The following OSBPL9 variants were observed in gnomAD, a reference collection of about 807,000 sequenced individuals.
OSBPL9 encodes the protein oxysterol-binding protein-related protein 9.
OSBPL9 carries 40 observed loss-of-function variants against 106.6 expected under a neutral mutation model. The ratio of observed to expected loss-of-function variants is 0.38; its 90% CI spans 0.29 to 0.49. The LOEUF (loss-of-function observed/expected upper bound fraction) is 0.49. Ranked by LOEUF, OSBPL9 falls within the 20% of genes least tolerant of loss-of-function variation. OSBPL9 has a pLI of 0.97. For synonymous variants in OSBPL9, 269 were observed against 295.4 expected, an observed-to-expected ratio of 0.91 and a Z score of 0.92; for missense variants, 609 against 887.2, an observed-to-expected ratio of 0.69 and a Z score of 3.98.
At chr1:51,521,659 G>A in the OSBPL9 span, among the ~76,000 whole-genome samples, 5 of 152,210 alleles carry the variant, frequency 3.3e-5, no homozygotes, top group East Asian at 3.8e-4. Flanking sequence ...CACAGAGCAC[G>A]AATTCAGCCT....
chr1:51,686,740 A>C (rs575241065), intron 3 of OSBPL9, among the ~76,000 whole-genome samples: 6 of 152,306 alleles, frequency 3.9e-5, no homozygotes, highest in African/African-American at 1.4e-4. Flanking sequence ...AGGCCTAGGG[A>C]TGCTCCCCGT....
At chr1:51,648,107 A>G (rs771137980) in intron 1 of OSBPL9, among the ~76,000 whole-genome samples, 1 of 152,124 alleles carries the variant, frequency 6.6e-6, no homozygotes, top group Admixed American at 6.6e-5. Context: ...ATTTGTGCCA[A>G]TTTGCTTGAA....
intron 4 of OSBPL9, chr1:51,740,335 C>A (rs1488987297): frequency 3.1e-5 from 37 of 1,179,274 alleles, no homozygotes; most frequent in Non-Finnish European, 4.1e-5. Flanking sequence ...ATATTTTAAT[C>A]AAAATTACAT....
intron 12 of OSBPL9, among the ~76,000 whole-genome samples, chr1:51,769,491 G>T (rs78465997): frequency 1.3e-5 from 2 of 152,114 alleles, no homozygotes; most frequent in Non-Finnish European, 2.9e-5. Flanking sequence ...TATTATGAGC[G>T]TCATTGTGTT....
intron 17 of OSBPL9, among the ~76,000 whole-genome samples, chr1:51,783,151 CTATT>C (rs1445057585): frequency 1.3e-5 from 2 of 151,886 alleles, no homozygotes; most frequent in African/African-American, 2.4e-5. Context: ...AGTTGTTTCA[CTATT>C]TATTTGTATT....
chr1:51,593,650 T>G (rs1000640047), intron 1 of OSBPL9, among the ~76,000 whole-genome samples: 1 of 152,200 alleles, frequency 6.6e-6, no homozygotes, highest in Non-Finnish European at 1.5e-5. Flanking sequence ...TGTCCAGGCC[T>G]TTTGCCTGGG....
intron 4 of OSBPL9, among the ~76,000 whole-genome samples, chr1:51,734,407 T>C (rs1401817657): frequency 6.6e-6 from 1 of 152,226 alleles, no homozygotes. Context: ...ATGACAGAGT[T>C]TGCTTGTGTT....
the OSBPL9 span, among the ~76,000 whole-genome samples, chr1:51,536,153 A>T: frequency 6.6e-6 from 1 of 152,182 alleles, no homozygotes; most frequent in Non-Finnish European, 1.5e-5. Flanking sequence ...TTAAATTGAC[A>T]TAGTGCTTAT....
intron 1 of OSBPL9, among the ~76,000 whole-genome samples, chr1:51,596,291 G>C (rs867983310): frequency 2.0e-5 from 3 of 147,996 alleles, no homozygotes; most frequent in Admixed American, 6.7e-5. Flanking sequence ...GCCAGGCACA[G>C]TGGCTCATGC....
intron 4 of OSBPL9, among the ~76,000 whole-genome samples, chr1:51,726,990 C>A (rs1663230436): frequency 6.6e-6 from 1 of 152,158 alleles, no homozygotes; most frequent in African/African-American, 2.4e-5. Flanking sequence ...AAATAGCTAT[C>A]TGTAGTATTA....
At chr1:51,656,229 G>A (rs1015864567) in intron 2 of OSBPL9, among the ~76,000 whole-genome samples, 1 of 152,094 alleles carries the variant, frequency 6.6e-6, no homozygotes, top group African/African-American at 2.4e-5. Flanking sequence ...TAACTGGTAC[G>A]GTTGTAATGA....
chr1:51,675,589 A>T (rs1557674156), intron 3 of OSBPL9, among the ~76,000 whole-genome samples: 1 of 152,078 alleles, frequency 6.6e-6, no homozygotes, highest in Admixed American at 6.6e-5. Context: ...TAAACCTTGG[A>T]TCATACTAGG....
chr1:51,608,063 G>A (rs963736943), intron 2 of OSBPL9, among the ~76,000 whole-genome samples: 1 of 152,190 alleles, frequency 6.6e-6, no homozygotes, highest in Non-Finnish European at 1.5e-5. Flanking sequence ...ATTTACTGAA[G>A]TTGTGCATAT....
the OSBPL9 span, among the ~76,000 whole-genome samples, chr1:51,558,204 C>T: frequency 5.9e-5 from 9 of 151,958 alleles, no homozygotes; most frequent in Admixed American, 2.6e-4. Flanking sequence ...GGTGTGAACC[C>T]GGGAGGCGGA....
At chr1:51,590,052 AAGAG>A (rs1200888113) in intron 1 of OSBPL9, among the ~76,000 whole-genome samples, 16 of 151,112 alleles carry the variant, frequency 1.1e-4, no homozygotes, top group Admixed American at 2.0e-4. Flanking sequence ...AAAAAAAAAA[AAGAG>A]AGAGGTAGGC....
chr1:51,634,231 T>C (rs1645285359), intron 1 of OSBPL9, among the ~76,000 whole-genome samples: 1 of 152,210 alleles, frequency 6.6e-6, no homozygotes, highest in South Asian at 2.1e-4. Flanking sequence ...AAAAGGTCCT[T>C]GGGCAATTTT....
intron 3 of OSBPL9, among the ~76,000 whole-genome samples, chr1:51,670,901 G>A (rs1649710298): frequency 2.6e-5 from 4 of 152,192 alleles, no homozygotes; most frequent in Admixed American, 2.6e-4. Flanking sequence ...GCTGCTGGGT[G>A]CAGGTAAGGC....
Position 51,605,171 on chromosome 1 carries a change from C to G in OSBPL9, c.-353+6978C>G, listed in dbSNP as rs555622966. Among the ~76,000 whole-genome samples the G allele has an allele frequency of 2.0e-5, 3 of 152,314 alleles. No homozygotes were observed. In the East Asian group the frequency reaches 5.8e-4, roughly 29 times the overall value. On this transcript the variant is annotated intron_variant, in intron 2 of 25. Transcript: ENST00000371714. ...AGATGAATAAGATTATTCCCCTGTC[C>G]TTAAAGCGTTTACAATCTAATGAAC...
Position 51,710,924 on chromosome 1 carries a change from G to A in OSBPL9, c.242-3079G>A, listed in dbSNP as rs75466777. On this transcript the variant is annotated intron_variant, in intron 3 of 23. Coordinates refer to ENST00000428468, the MANE Select transcript of OSBPL9 (RefSeq NM_024586.6). ...AATCAGTTTTGGAAAATTCTCAGCC[G>A]GACAGTGCTTCCGTGCCATGCTCTC... Among the ~76,000 whole-genome samples, 284 of 152,258 alleles carry A rather than the reference G, an allele frequency of 1.9e-3. 4 individuals carry two copies. The East Asian group carries it at 0.047, about 25-fold the overall frequency.
Sources: allele counts gnomAD v4.1 joint callset (sites outside exome capture counted in the v4.1 genomes callset), GRCh38; gene constraint gnomAD v4.1.1; transcripts MANE v1.5; gene names NCBI Gene and HGNC (gene_info 2026-07-23, HGNC 2026-07-21).